Variants in MAML3 observed in about 807,000 individuals in gnomAD.
MAML3 encodes mastermind like transcriptional coactivator 3.
Under a neutral mutation model 101.9 loss-of-function variants are expected in MAML3, and 27 were observed. That is an observed-to-expected ratio of 0.27 (90% CI 0.20 to 0.37). The LOEUF is 0.37. Among genes scored for constraint, MAML3 ranks in the 10% least tolerant of loss-of-function variants. MAML3 has a pLI of 1.00. For missense variants in MAML3, 1,316 were observed against 1,444.9 expected, an observed-to-expected ratio of 0.91 and a Z score of 1.45; for synonymous variants, 501 against 555.9, an observed-to-expected ratio of 0.90 and a Z score of 1.39.
intron 1 of MAML3, among the ~76,000 whole-genome samples, chr4:140,105,971 A>G (rs1560895366): frequency 1.3e-5 from 2 of 152,132 alleles, no homozygotes; most frequent in African/African-American, 4.8e-5. Flanking sequence ...TTCTACCTCA[A>G]TGACTCCTAA....
At chr4:139,755,172 C>G (rs2111046440) in intron 2 of MAML3, among the ~76,000 whole-genome samples, 1 of 152,342 alleles carries the variant, frequency 6.6e-6, no homozygotes, top group East Asian at 1.9e-4. Context: ...AGCCGGTTTG[C>G]TGTTCCATAT....
intron 1 of MAML3, among the ~76,000 whole-genome samples, chr4:140,054,969 T>G (rs1314381751): frequency 1.3e-5 from 2 of 152,242 alleles, no homozygotes; most frequent in Non-Finnish European, 2.9e-5. Context: ...CTTTTAGAAC[T>G]GTCCAACAAT....
chr4:139,862,768 C>A (rs182077796), intron 2 of MAML3, among the ~76,000 whole-genome samples: 1 of 152,266 alleles, frequency 6.6e-6, no homozygotes, highest in East Asian at 1.9e-4. Flanking sequence ...TAGAATAGAA[C>A]TAGAATAGGA....
chr4:139,814,669 T>TC (rs1730864507), intron 2 of MAML3, among the ~76,000 whole-genome samples: 1 of 152,106 alleles, frequency 6.6e-6, no homozygotes, highest in Non-Finnish European at 1.5e-5. Context: ...GGTAACACCC[T>TC]CCCCCCACCA....
chr4:140,069,421 GGAAGGAGGAGAAGGAGGA>G (rs200938392), intron 1 of MAML3, among the ~76,000 whole-genome samples: 20 of 26,808 alleles, frequency 7.5e-4, no homozygotes, highest in African/African-American at 1.6e-3. Flanking sequence ...GAGGAGGAGG[GGAAGGAGGAGAAGGAGGA>G]GAAGGAGGAG....
At chr4:139,922,321 T>G (rs1032227593) in intron 1 of MAML3, among the ~76,000 whole-genome samples, 8 of 152,128 alleles carry the variant, frequency 5.3e-5, no homozygotes, top group African/African-American at 1.9e-4. Flanking sequence ...GCACTCATAT[T>G]TAAAAAATGG....
At chr4:139,894,441 C>T (rs1398758030) in intron 1 of MAML3, among the ~76,000 whole-genome samples, 5 of 151,380 alleles carry the variant, frequency 3.3e-5, no homozygotes, top group Non-Finnish European at 5.9e-5. Flanking sequence ...ACCTGGGAGG[C>T]AGGGGCTACA....
intron 2 of MAML3, among the ~76,000 whole-genome samples, chr4:139,831,235 A>G (rs1002503069): frequency 6.6e-6 from 1 of 152,224 alleles, no homozygotes; most frequent in Admixed American, 6.5e-5. Flanking sequence ...CCTATTATTT[A>G]TCATAAAATC....
chr4:139,773,854 G>A (rs1369783704), intron 2 of MAML3, among the ~76,000 whole-genome samples: 1 of 152,166 alleles, frequency 6.6e-6, no homozygotes, highest in Non-Finnish European at 1.5e-5. Flanking sequence ...TTTGAGACAG[G>A]CACTTGAAGA....
intron 1 of MAML3, among the ~76,000 whole-genome samples, chr4:139,930,917 A>G (rs767523105): frequency 6.6e-6 from 1 of 152,058 alleles, no homozygotes; most frequent in African/African-American, 2.4e-5. Context: ...AAGCTCGGCC[A>G]GTAGGCTCTG....
chr4:139,728,981 G>T (rs1728589988), intron 3 of MAML3, among the ~76,000 whole-genome samples: 1 of 152,030 alleles, frequency 6.6e-6, no homozygotes, highest in Non-Finnish European at 1.5e-5. Context: ...GATTTACAGA[G>T]CCCAGCTGCC....
chr4:139,879,525 G>C (rs1296312908), intron 2 of MAML3, among the ~76,000 whole-genome samples: 1 of 115,666 alleles, frequency 8.6e-6, no homozygotes, highest in African/African-American at 3.5e-5. Context: ...GGCTCTGACT[G>C]AAAAAAAAAA....
intron 2 of MAML3, among the ~76,000 whole-genome samples, chr4:139,881,374 C>T (rs1269118031): frequency 6.6e-6 from 1 of 152,168 alleles, no homozygotes; most frequent in Non-Finnish European, 1.5e-5. Flanking sequence ...TTTCTTACCT[C>T]CCTACCCTTA....
At chr4:139,956,546 A>T (rs551153537) in intron 1 of MAML3, among the ~76,000 whole-genome samples, 40 of 152,318 alleles carry the variant, frequency 2.6e-4, no homozygotes, top group Non-Finnish European at 4.9e-4. Context: ...AAGAAAGGAA[A>T]AATAGAGTCC....
At chr4:139,813,974 C>T (rs779080816) in intron 2 of MAML3, among the ~76,000 whole-genome samples, 8 of 151,090 alleles carry the variant, frequency 5.3e-5, no homozygotes, top group Non-Finnish European at 1.0e-4. Context: ...AAAGTGGCAA[C>T]AGAAATGTCA....
intron 2 of MAML3, among the ~76,000 whole-genome samples, chr4:139,875,083 G>A (rs145139256): frequency 2.4e-4 from 36 of 152,248 alleles, no homozygotes; most frequent in Middle Eastern, 3.4e-3. Flanking sequence ...GATTACAGGC[G>A]TGAGCCATCA....
intron 1 of MAML3, among the ~76,000 whole-genome samples, chr4:140,007,533 TAGAA>T (rs1317382954): frequency 6.6e-6 from 1 of 152,170 alleles, no homozygotes; most frequent in African/African-American, 2.4e-5. Context: ...CTCAGAGATC[TAGAA>T]AGAAAGAGGA....
At chr4:140,104,672 T>C (rs936400240) in intron 1 of MAML3, among the ~76,000 whole-genome samples, 3 of 150,866 alleles carry the variant, frequency 2.0e-5, no homozygotes, top group Admixed American at 6.6e-5. Flanking sequence ...TTTGTGTTTT[T>C]TGTGGAGATG....
At chr4:139,827,624 T>C (rs1381550896) in intron 2 of MAML3, among the ~76,000 whole-genome samples, 1 of 152,248 alleles carries the variant, frequency 6.6e-6, no homozygotes, top group Admixed American at 6.5e-5. Flanking sequence ...TTAAGCATTT[T>C]TCCAACCTAT....
Sources: gnomAD v4.1 joint callset for allele counts (sites outside exome capture counted in the v4.1 genomes callset) on GRCh38, gnomAD v4.1.1 for gene constraint, MANE v1.5 for transcripts, NCBI Gene and HGNC (gene_info 2026-07-23, HGNC 2026-07-21) for gene names.